The following ERC2 variants were observed in gnomAD, a reference collection of about 807,000 sequenced individuals.
ERC2 encodes the protein ERC protein 2.
ERC2 carries 42 observed loss-of-function variants against 114.8 expected under a neutral mutation model. The observed-to-expected ratio is 0.37, with a 90% CI of 0.29 to 0.47. The LOEUF (loss-of-function observed/expected upper bound fraction) is 0.47, where lower values mean the gene tolerates loss of function less well. Ranked by LOEUF, ERC2 falls within the 20% of genes least tolerant of loss-of-function variation. The pLI is 0.99. For missense variants in ERC2, 939 were observed against 1,150.7 expected, an observed-to-expected ratio of 0.82 and a Z score of 2.66; for synonymous variants, 454 against 425.5, an observed-to-expected ratio of 1.07 and a Z score of -0.82.
At position 56,117,845 on chromosome 3, in the gene ERC2, A is replaced by G. The variant is rs2079332207; in HGVS notation, c.1473+21664T>C. On this transcript the variant is annotated intron_variant, in intron 6 of 17. Coordinates refer to ENST00000288221, the MANE Select transcript of ERC2 (RefSeq NM_015576.3). ...ATGAGCTCTCCAAATGCTCAACAAC[A>G]GGCTGGAGGAAGGAAAAGGCACCAT... 3.9e-5 allele frequency among the ~76,000 whole-genome samples: 6 copies of G among 152,214 alleles called. No individual in the cohort carries two copies. In the South Asian group the frequency reaches 1.2e-3, roughly 32 times the overall value.
chr3:56,037,830 C>A (rs887527642), intron 7 of ERC2, among the ~76,000 whole-genome samples: 1 of 152,042 alleles, frequency 6.6e-6, no homozygotes, highest in Non-Finnish European at 1.5e-5. Flanking sequence ...AAAAGGGAAG[C>A]CCAGCAGACT....
At chr3:55,751,791 G>A (rs1228758961) in intron 14 of ERC2, among the ~76,000 whole-genome samples, 1 of 152,164 alleles carries the variant, frequency 6.6e-6, no homozygotes. Flanking sequence ...AACAACAGAA[G>A]GCAATGTCGA....
chr3:56,107,243 A>G (rs1354386201), intron 6 of ERC2, among the ~76,000 whole-genome samples: 9 of 151,152 alleles, frequency 6.0e-5, no homozygotes, highest in African/African-American at 2.2e-4. Context: ...ATTTCCAATC[A>G]CACAAATCAT....
chr3:55,828,079 T>G (rs2060407465), intron 14 of ERC2, among the ~76,000 whole-genome samples: 1 of 152,236 alleles, frequency 6.6e-6, no homozygotes, highest in African/African-American at 2.4e-5. Flanking sequence ...AAAAATCACG[T>G]AAGTACAAAG....
intron 4 of ERC2, among the ~76,000 whole-genome samples, chr3:56,155,748 C>T (rs1173111577): frequency 6.6e-6 from 1 of 151,920 alleles, no homozygotes; most frequent in Non-Finnish European, 1.5e-5. Context: ...AAATTCTTTC[C>T]AGTTAGAAGT....
At chr3:55,710,502 A>T (rs2063725061) in intron 15 of ERC2, among the ~76,000 whole-genome samples, 1 of 151,740 alleles carries the variant, frequency 6.6e-6, no homozygotes, top group Middle Eastern at 3.4e-3. Flanking sequence ...TTTTTTTCCT[A>T]ACACATCAAC....
At chr3:55,559,531 G>C (rs371097563) in intron 17 of ERC2, among the ~76,000 whole-genome samples, 1 of 152,332 alleles carries the variant, frequency 6.6e-6, no homozygotes, top group East Asian at 1.9e-4. Context: ...AGTGACATCA[G>C]ACAACACATG....
intron 8 of ERC2, among the ~76,000 whole-genome samples, chr3:56,014,240 T>C (rs1345375451): frequency 1.3e-5 from 2 of 152,172 alleles, no homozygotes; most frequent in Non-Finnish European, 2.9e-5. Flanking sequence ...ACCAGGGATC[T>C]GCAGCTTACC....
At chr3:56,451,784 G>A (rs997982846) in intron 1 of ERC2, among the ~76,000 whole-genome samples, 16 of 152,176 alleles carry the variant, frequency 1.1e-4, no homozygotes, top group African/African-American at 3.9e-4. Context: ...CTGTAATGTG[G>A]TTTCTGACAT....
At chr3:56,050,108 A>C (rs1162832632) in intron 7 of ERC2, among the ~76,000 whole-genome samples, 1 of 152,208 alleles carries the variant, frequency 6.6e-6, no homozygotes, top group African/African-American at 2.4e-5. Flanking sequence ...TGAAACTGTC[A>C]TATATGTTGA....
At chr3:56,128,489 T>TCA (rs895528054) in intron 6 of ERC2, among the ~76,000 whole-genome samples, 20 of 152,162 alleles carry the variant, frequency 1.3e-4, no homozygotes, top group African/African-American at 3.6e-4. Context: ...CATGTCTTTC[T>TCA]CACACACACA....
intron 11 of ERC2, 38 bp from the exon 12 acceptor site, chr3:55,986,026 T>C: frequency 6.5e-7 from 1 of 1,536,026 alleles, no homozygotes; most frequent in Non-Finnish European, 8.7e-7. Context: ...ATTTGGAGGA[T>C]AAGCAGAAAG....
intron 2 of ERC2, among the ~76,000 whole-genome samples, chr3:56,369,680 CT>C (rs564407366): frequency 0.026 from 3,752 of 144,378 alleles, 49 homozygotes; most frequent in South Asian, 0.074. Flanking sequence ...CTGGATACTA[CT>C]TTTTTTTTTT....
chr3:55,733,536 TCTCTCTCACACACACACACA>T (rs2065423916), intron 15 of ERC2, among the ~76,000 whole-genome samples: 6 of 68,634 alleles, frequency 8.7e-5, no homozygotes, highest in African/African-American at 1.6e-4. Flanking sequence ...ATTCTTTCTC[TCTCTCTCACACACACACACA>T]CACACACACA....
At chr3:55,589,613 GA>G (rs1206223931) in intron 17 of ERC2, among the ~76,000 whole-genome samples, 1 of 152,132 alleles carries the variant, frequency 6.6e-6, no homozygotes, top group Non-Finnish European at 1.5e-5. Flanking sequence ...GGTGGCACTG[GA>G]TTCCTGAAGG....
chr3:55,979,939 T>A (rs1315556508), intron 12 of ERC2, among the ~76,000 whole-genome samples: 8 of 150,610 alleles, frequency 5.3e-5, no homozygotes, highest in Non-Finnish European at 1.0e-4. Context: ...CGAGACCCTA[T>A]CTCTTCTTCT....
intron 2 of ERC2, among the ~76,000 whole-genome samples, chr3:56,415,757 C>A (rs778891647): frequency 1.6e-4 from 24 of 152,178 alleles, no homozygotes; most frequent in Non-Finnish European, 3.2e-4. Flanking sequence ...CTCCTGTCTC[C>A]ACCAAGCATG....
At chr3:56,350,552 G>GGA (rs145371285) in intron 2 of ERC2, among the ~76,000 whole-genome samples, 3,292 of 151,020 alleles carry the variant, frequency 0.022, 44 homozygotes, top group South Asian at 0.071. Flanking sequence ...GAAAAGAAGA[G>GGA]GATATATATA....
At chr3:56,434,327 A>G (rs750833249) in intron 2 of ERC2, 24 bp downstream of exon 2, 2 of 1,603,514 alleles carry the variant, frequency 1.2e-6, no homozygotes, top group African/African-American at 2.7e-5. Context: ...AGGCTGAAAA[A>G]TACTGAGATG....
Sources: allele counts gnomAD v4.1 joint callset (sites outside exome capture counted in the v4.1 genomes callset), GRCh38; gene constraint gnomAD v4.1.1; transcripts MANE v1.5; gene names NCBI Gene and HGNC (gene_info 2026-07-23, HGNC 2026-07-21).